Variants in SPRY3 observed in about 807,000 individuals in gnomAD.
The protein encoded by SPRY3 is protein sprouty homolog 3.
A neutral mutation model predicts 20.2 loss-of-function variants in SPRY3; 15 were observed. The observed-to-expected ratio is 0.74, with a 90% CI of 0.50 to 1.14. SPRY3 has a LOEUF of 1.14. Ranked by LOEUF, SPRY3 falls within the 50% of genes most tolerant of loss-of-function variation. SPRY3 has a pLI of 0.00. For synonymous variants in SPRY3, 143 were observed against 136.5 expected (o/e 1.05, Z -0.33); for missense variants, 364 against 363.9 (o/e 1.00, Z 0.00).
At chrX:155,615,651 T>C (rs868931082) in intron 1 of SPRY3, among the ~76,000 whole-genome samples, 1 of 111,819 alleles carries the variant, frequency 8.9e-6, no homozygotes, top group Middle Eastern at 4.2e-3. Flanking sequence ...AACAAATAAA[T>C]GCTAAAACTT....
intron 2 of SPRY3, among the ~76,000 whole-genome samples, chrX:155,670,567 G>A (rs1243154087): frequency 2.7e-5 from 3 of 111,916 alleles, no homozygotes; most frequent in Non-Finnish European, 5.7e-5. Context: ...TCTTAGCTTC[G>A]AAATTGTCTC....
At chrX:155,715,351 G>A (rs1012023572) in intron 2 of SPRY3, among the ~76,000 whole-genome samples, 2 of 152,146 alleles carry the variant, frequency 1.3e-5, no homozygotes, top group South Asian at 2.1e-4. Context: ...TTGGCTCAGG[G>A]TGTGTCTAGA....
At chrX:155,654,686 G>GGTGTGTGT (rs3067500) in intron 1 of SPRY3, among the ~76,000 whole-genome samples, 1 of 85,944 alleles carries the variant, frequency 1.2e-5, no homozygotes, top group African/African-American at 4.3e-5. Flanking sequence ...AGTATTCCAT[G>GGTGTGTGT]GTGTGTGTGT....
At chrX:155,675,434 G>A (rs5983762) in intron 2 of SPRY3, among the ~76,000 whole-genome samples, 145 of 111,123 alleles carry the variant, frequency 1.3e-3, no homozygotes, top group African/African-American at 4.6e-3. Context: ...GTAATTGAGA[G>A]TGGCCAGCAC....
chrX:155,659,336 G>A (rs1481128138), intron 2 of SPRY3, among the ~76,000 whole-genome samples: 4 of 109,327 alleles, frequency 3.7e-5, no homozygotes, highest in Non-Finnish European at 5.7e-5. Context: ...TAGTAGAGAC[G>A]GGGTTTCACC....
chrX:155,729,850 T>A (rs1156349278), intron 2 of SPRY3, among the ~76,000 whole-genome samples: 1 of 151,596 alleles, frequency 6.6e-6, no homozygotes, highest in East Asian at 1.9e-4. Flanking sequence ...TGCAAATAAG[T>A]AAAATAAGAT....
exon 4 of SPRY3, chrX:155,774,504 C>T: frequency 6.2e-7 from 1 of 1,614,002 alleles, no homozygotes; most frequent in Non-Finnish European, 8.5e-7. Flanking sequence ...ATGAGCCCTG[C>T]TCTTGTGGGC....
intron 1 of SPRY3, among the ~76,000 whole-genome samples, chrX:155,625,491 T>G (rs1413692338): frequency 8.9e-6 from 1 of 112,032 alleles, no homozygotes; most frequent in Non-Finnish European, 1.9e-5. Flanking sequence ...ATTATGTTTT[T>G]TAAATCTCTT....
intron 1 of SPRY3, among the ~76,000 whole-genome samples, chrX:155,646,367 G>C (rs1324195163): frequency 8.9e-6 from 1 of 112,029 alleles, no homozygotes; most frequent in African/African-American, 3.2e-5. Context: ...TGAATCTGTA[G>C]ATAGCTTTGC....
At chrX:155,722,062 C>A (rs1356321515) in intron 2 of SPRY3, among the ~76,000 whole-genome samples, 1 of 152,002 alleles carries the variant, frequency 6.6e-6, no homozygotes, top group Admixed American at 6.6e-5. Flanking sequence ...AATTAAAAAG[C>A]ACGGGAACAA....
At chrX:155,751,934 A>AAAATAAAAT (rs2091264416) in intron 2 of SPRY3, among the ~76,000 whole-genome samples, 2 of 32,408 alleles carry the variant, frequency 6.2e-5, no homozygotes, top group Non-Finnish European at 9.4e-5. Context: ...GAAATAAAAT[A>AAAATAAAAT]AAATAAAATA....
intron 2 of SPRY3, among the ~76,000 whole-genome samples, chrX:155,752,553 A>G (rs960527674): frequency 4.0e-5 from 6 of 151,728 alleles, no homozygotes; most frequent in Admixed American, 3.3e-4. Flanking sequence ...AAATGTATCT[A>G]TTAAGTTCTT....
chrX:155,733,948 C>T (rs1162454094), intron 2 of SPRY3, among the ~76,000 whole-genome samples: 1 of 152,096 alleles, frequency 6.6e-6, no homozygotes, highest in Non-Finnish European at 1.5e-5. Context: ...AGAGTAAAGG[C>T]CTTGCTCTGG....
At chrX:155,731,183 A>G (rs923157455) in intron 2 of SPRY3, among the ~76,000 whole-genome samples, 1 of 152,176 alleles carries the variant, frequency 6.6e-6, no homozygotes, top group Non-Finnish European at 1.5e-5. Flanking sequence ...ATGGAACCAC[A>G]AAAGACCCAG....
chrX:155,747,043 A>T (rs2124578572), intron 2 of SPRY3, among the ~76,000 whole-genome samples: 1 of 152,078 alleles, frequency 6.6e-6, no homozygotes, highest in African/African-American at 2.4e-5. Context: ...CCTCAGTATT[A>T]CATCCTTCCT....
At chrX:155,684,044 G>A (rs185796685) in intron 2 of SPRY3, among the ~76,000 whole-genome samples, 1 of 110,011 alleles carries the variant, frequency 9.1e-6, no homozygotes, top group East Asian at 2.9e-4. Flanking sequence ...ACACCATGAA[G>A]GTCATTGGTG....
At chrX:155,712,841 T>C (rs1214234471) in intron 2 of SPRY3, among the ~76,000 whole-genome samples, 5 of 151,988 alleles carry the variant, frequency 3.3e-5, no homozygotes, top group African/African-American at 4.8e-5. Flanking sequence ...GTGTCTGTTA[T>C]ATGTTTTTCA....
At chrX:155,628,376 C>T (rs1341831625) in intron 1 of SPRY3, among the ~76,000 whole-genome samples, 6 of 112,172 alleles carry the variant, frequency 5.3e-5, no homozygotes, top group African/African-American at 1.9e-4. Flanking sequence ...GGAAAAGAAA[C>T]TATCATCAGA....
At chrX:155,626,884 C>T (rs1346410483) in intron 1 of SPRY3, among the ~76,000 whole-genome samples, 4 of 111,240 alleles carry the variant, frequency 3.6e-5, no homozygotes, top group African/African-American at 9.8e-5. Context: ...TGATAGGGAG[C>T]AGAGGTTTCA....
Sources: allele counts gnomAD v4.1 joint callset (sites outside exome capture counted in the v4.1 genomes callset), GRCh38; gene constraint gnomAD v4.1.1; transcripts MANE v1.5; gene names NCBI Gene and HGNC (gene_info 2026-07-23, HGNC 2026-07-21).